RRM2: variants seen among roughly 807,000 people sequenced by gnomAD.
The protein encoded by RRM2 is ribonucleoside-diphosphate reductase subunit M2.
In RRM2, 6 loss-of-function variants were observed where a neutral mutation model predicts 45.9. The observed-to-expected ratio is 0.13, with a 90% confidence interval of 0.07 to 0.26. The LOEUF is 0.26. RRM2 is among the 10% of genes least tolerant of loss of function. The pLI, the probability that RRM2 is intolerant of heterozygous loss-of-function variation, is 1.00. For missense variants in RRM2, 343 were observed against 489.5 expected (o/e 0.70, Z 2.82); for synonymous variants, 177 against 173.0 (o/e 1.02, Z -0.18).
At position 10,131,003 on chromosome 2, in the gene RRM2, G is replaced by A. The variant is rs1182814201; in HGVS notation, c.*1617G>A. On this transcript the variant is annotated 3_prime_UTR_variant, in exon 10 of 10. Transcript: ENST00000304567. ...TGAGACATTGCATGAAAGATGATGA[G>A]AGATAAATGTTGATCTTTTGGCCCC... 1 of 152,176 alleles carries A rather than the reference G, an allele frequency of 6.6e-6. No individual in the cohort carries two copies. The highest frequency in any genetic ancestry group is 6.5e-5 in the Admixed American group (1 of 15,274). 9.4% of individuals were successfully genotyped at this position (152,176 alleles called of 1,614,324 possible).
upstream of RRM2, among the ~76,000 whole-genome samples, chr2:10,137,144 G>A (rs1291738778): frequency 6.6e-6 from 1 of 152,200 alleles, no homozygotes; most frequent in African/African-American, 2.4e-5. Context: ...CAGCCACCGT[G>A]GGGCAGAGAT....
At chr2:10,179,842 G>A (rs937121173) in intron 3 of RRM2, among the ~76,000 whole-genome samples, 3 of 152,198 alleles carry the variant, frequency 2.0e-5, no homozygotes, top group Non-Finnish European at 4.4e-5. Flanking sequence ...TACTCTGCCA[G>A]TTACATATTC....
At chr2:10,166,035 G>T (rs1460521234) in intron 3 of RRM2, among the ~76,000 whole-genome samples, 1 of 152,208 alleles carries the variant, frequency 6.6e-6, no homozygotes, top group Non-Finnish European at 1.5e-5. Context: ...GCAGCTGCTG[G>T]TGACAGCTTG....
At position 10,195,348 on chromosome 2, in the gene RRM2, T is replaced by TGGAA. The variant is rs1003191338; in HGVS notation, n.483-14953_483-14950dup. Among the ~76,000 whole-genome samples the TGGAA allele has an allele frequency of 6.6e-6, 1 of 151,724 alleles. No individual in the cohort carries two copies. Among genetic ancestry groups the TGGAA allele is most frequent in the African/African-American group, 2.4e-5 (1 of 41,374 alleles). On this transcript the variant is annotated intron_variant and non_coding_transcript_variant, in intron 3 of 3. Coordinates refer to the RRM2 transcript ENST00000381786. The surrounding 1 kb of genome is among the most constrained non-coding windows in gnomAD (Gnocchi z 4.9). ...GGGTTCGGAGGCAGAGGGCTGGACT[T>TGGAA]GGAAGGAAGGAAGAGCGGACACAGG...
chr2:10,203,823 T>C (rs1334045300), intron 3 of RRM2, among the ~76,000 whole-genome samples: 3 of 152,046 alleles, frequency 2.0e-5, no homozygotes, highest in Non-Finnish European at 2.9e-5. Context: ...GGCTCCACCT[T>C]GACCAAGGGG....
At chr2:10,197,431 C>T (rs540793070) in intron 3 of RRM2, among the ~76,000 whole-genome samples, 3 of 152,246 alleles carry the variant, frequency 2.0e-5, no homozygotes, top group Non-Finnish European at 4.4e-5. Context: ...CTCAAACTGC[C>T]CTGGGACAGA....
intron 3 of RRM2, among the ~76,000 whole-genome samples, chr2:10,175,666 C>T (rs866469553): frequency 1.3e-4 from 20 of 152,236 alleles, no homozygotes; most frequent in Admixed American, 4.6e-4. Flanking sequence ...GGCGCAATCT[C>T]GGCTTACGGC....
intron 3 of RRM2, among the ~76,000 whole-genome samples, chr2:10,202,598 G>C (rs112652813): frequency 6.6e-6 from 1 of 151,638 alleles, no homozygotes; most frequent in East Asian, 1.9e-4. Context: ...GGGGTGAGAA[G>C]GTTTCTGGTC....
chr2:10,123,164 C>T, intron 2 of RRM2, 107 bp downstream of exon 2: 1 of 1,375,170 alleles, frequency 7.3e-7, no homozygotes, highest in Non-Finnish European at 9.6e-7. Context: ...GGCTCCTTTC[C>T]CGCCTAGGCG....
intron 3 of RRM2, among the ~76,000 whole-genome samples, chr2:10,194,934 C>T (rs1411780796): frequency 6.6e-6 from 1 of 152,224 alleles, no homozygotes; most frequent in Non-Finnish European, 1.5e-5. Context: ...CTTGCTAGAC[C>T]TCTCGGCGTC....
chr2:10,190,470 ATGG>A (rs1300022721), intron 3 of RRM2, among the ~76,000 whole-genome samples: 22 of 104,912 alleles, frequency 2.1e-4, no homozygotes, highest in South Asian at 3.6e-4. Flanking sequence ...GGTGATGGTG[ATGG>A]TGGTGGCGAT....
Position 10,195,405 on chromosome 2 carries a change from G to C in RRM2, n.483-14906G>C, listed in dbSNP as rs1664393475. ...GAGCGGACAGTGCTGGCGGAGCCCTGGGGAGCACCGAGTCCCCGCCGTGAT... is the reference window on the plus strand; with the variant it reads ...GAGCGGACAGTGCTGGCGGAGCCCTCGGGAGCACCGAGTCCCCGCCGTGAT... On this transcript the variant is annotated intron_variant and non_coding_transcript_variant, in intron 3 of 3. Transcript: ENST00000381786. This position sits in a 1 kb window ranked among gnomAD's most constrained non-coding sequence, Gnocchi z 4.9. 6.6e-6 allele frequency among the ~76,000 whole-genome samples: 1 copy of C among 152,158 alleles called. No homozygotes were observed. The highest frequency in any genetic ancestry group is 1.5e-5 in the Non-Finnish European group (1 of 68,026).
At chr2:10,159,483 T>C (rs1663510998) in intron 3 of RRM2, among the ~76,000 whole-genome samples, 6 of 152,194 alleles carry the variant, frequency 3.9e-5, no homozygotes, top group Admixed American at 3.9e-4. Context: ...CTCAGTTCCA[T>C]GCACTGAATT....
chr2:10,128,261 G>C (rs945157442), intron 7 of RRM2, among the ~76,000 whole-genome samples: 1 of 152,116 alleles, frequency 6.6e-6, no homozygotes, highest in Admixed American at 6.5e-5. Context: ...TATACATTTT[G>C]GTCTAGTGTA....
chr2:10,135,904 G>T (rs1662981939), downstream of RRM2, among the ~76,000 whole-genome samples: 1 of 152,064 alleles, frequency 6.6e-6, no homozygotes, highest in Non-Finnish European at 1.5e-5. Context: ...CTGGGCTCAG[G>T]CTCAGAGTGA....
rs1662810715 is a variant in RRM2, at chr2:10,127,628, C to T, written c.798+408C>T. 2.6e-5 allele frequency among the ~76,000 whole-genome samples: 4 copies of T among 152,150 alleles called. No individual in the cohort carries two copies. In the South Asian group the frequency reaches 8.3e-4, roughly 32 times the overall value. Reference sequence around the variant, plus strand: ...TAGCTGGGATTGTAGGTGCCTGCCACCATGCCCAGCTAATTTTCGTCTTTT... The same window carrying T: ...TAGCTGGGATTGTAGGTGCCTGCCATCATGCCCAGCTAATTTTCGTCTTTT... On this transcript the variant is annotated intron_variant, in intron 7 of 9. Transcript: ENST00000304567. The surrounding 1 kb of genome is among the most constrained non-coding windows in gnomAD (Gnocchi z 4.1).
intron 2 of RRM2, 70 bp from the exon 3 acceptor site, chr2:10,123,317 T>A: frequency 6.6e-7 from 1 of 1,520,224 alleles, no homozygotes; most frequent in East Asian, 2.3e-5. Context: ...TGGAAAGGAC[T>A]TGGTCCAGAA....
intron 3 of RRM2, among the ~76,000 whole-genome samples, chr2:10,152,180 C>A (rs1472900991): frequency 6.6e-6 from 1 of 152,078 alleles, no homozygotes; most frequent in Non-Finnish European, 1.5e-5. Context: ...GATCTCCTGA[C>A]CTCGTGATCC....
chr2:10,200,180 A>AT (rs1664517895), intron 3 of RRM2, among the ~76,000 whole-genome samples: 1 of 152,180 alleles, frequency 6.6e-6, no homozygotes, highest in Admixed American at 6.5e-5. Context: ...TTATTTTTAC[A>AT]TAGGCCTTTT....
Sources: allele counts gnomAD v4.1 joint callset (sites outside exome capture counted in the v4.1 genomes callset), GRCh38; gene constraint gnomAD v4.1.1; non-coding constraint Gnocchi (gnomAD v3.1); transcripts MANE v1.5; gene names NCBI Gene and HGNC (gene_info 2026-07-23, HGNC 2026-07-21).